Variants in DIPK2B observed in about 807,000 individuals in gnomAD.
DIPK2B encodes the protein UPF0672 protein CXorf36.
DIPK2B carries 15 observed loss-of-function variants against 22.2 expected under a neutral mutation model. That is an observed-to-expected ratio of 0.68 (90% CI 0.45 to 1.04). DIPK2B has a LOEUF of 1.04. Among genes scored for constraint, DIPK2B ranks in the 50% least tolerant of loss-of-function variants. DIPK2B has a pLI of 0.00. For synonymous variants in DIPK2B, 163 were observed against 153.2 expected, an observed-to-expected ratio of 1.06 and a Z score of -0.47; for missense variants, 345 against 348.3, an observed-to-expected ratio of 0.99 and a Z score of 0.08.
At chrX:45,166,574 C>T (rs1354188162) in intron 2 of DIPK2B, among the ~76,000 whole-genome samples, 2 of 111,450 alleles carry the variant, frequency 1.8e-5, no homozygotes, top group African/African-American at 6.5e-5. Context: ...TCCTGTGCCC[C>T]GGTATAACCA....
Position 45,150,478 on chromosome X carries a change from A to G in DIPK2B, c.*1174T>C, listed in dbSNP as rs1397343966. 1 of 112,135 alleles carries G rather than the reference A, an allele frequency of 8.9e-6. No individual in the cohort carries two copies. Among genetic ancestry groups the G allele is most frequent in the Non-Finnish European group, 1.9e-5 (1 of 53,230 alleles). The allele number at this position is 112,135 out of a possible 1,213,427, so 9.2% of individuals were successfully genotyped here. A position where few individuals can be genotyped will look rare whatever the true frequency, so the allele number is the denominator to read the frequency against. On this transcript the variant is annotated 3_prime_UTR_variant, in exon 5 of 5. Transcript: ENST00000398000. ...TTGAATGAAAATTCCTAGACTCCTT[A>G]GAGTCCCAACTCGGAGCATGCGGTG...
intron 2 of DIPK2B, chrX:45,164,154 G>A: frequency 8.6e-7 from 1 of 1,164,694 alleles, no homozygotes; most frequent in Non-Finnish European, 1.1e-6. Flanking sequence ...AACACTTTCT[G>A]GAAGTTCTCA....
rs775004690 is a variant in DIPK2B at position 45,171,146 on chromosome X, T to C, written c.499-13258A>G. 3.6e-5 allele frequency among the ~76,000 whole-genome samples: 4 copies of C among 111,477 alleles called. 1 individual carries two copies. In the South Asian group the frequency reaches 1.5e-3, roughly 42 times the overall value. ...AGTGCAGGAAGCAGATCTCACGTGC[T>C]GTCACCTTTCCAGGAACCCTGGACA... is the stretch of plus-strand genomic sequence containing the variant. On this transcript the variant is annotated intron_variant, in intron 2 of 4. Transcript: ENST00000398000.
At position 45,153,521 on chromosome X, in the gene DIPK2B, T is replaced by TGA. The variant is rs1556394353; in HGVS notation, c.961+387_961+388dup. On this transcript the variant is annotated intron_variant, in intron 4 of 4. Transcript: ENST00000398000. Reference sequence around the variant, plus strand: ...GTGTGTGTGTGTGTGTGTGTGTGTGTGACAGAGAGAGAGGAGAGAGAGAGA... The same window carrying TGA: ...GTGTGTGTGTGTGTGTGTGTGTGTGTGAGACAGAGAGAGAGGAGAGAGAGAGA... Among the ~76,000 whole-genome samples, 875 of 96,676 alleles carry TGA rather than the reference T, an allele frequency of 9.1e-3. 14 individuals carry two copies. The highest frequency in any genetic ancestry group is 0.039 in the South Asian group (80 of 2,053). The allele number at this position is 96,676 out of a possible 115,157, so 84.0% of individuals were successfully genotyped here. A position where few individuals can be genotyped will look rare whatever the true frequency, so the allele number is the denominator to read the frequency against.
chrX:45,190,541 T>G (rs1029539195), intron 2 of DIPK2B, among the ~76,000 whole-genome samples: 1 of 111,907 alleles, frequency 8.9e-6, no homozygotes, highest in Non-Finnish European at 1.9e-5. Flanking sequence ...GCCACACGCT[T>G]CTGGGGCCAG....
In DIPK2B at chrX:45,157,879, TG is replaced by T; in HGVS notation, c.507del (p.Ser170AlafsTer109). ...TGCGAAGGGCAGCGCAGGAGCGGGC[TG>T]GCCAGGCCCTACGCGCAGGTGGGAG... Reference protein sequence around the residue: ...RLTPDLVQGLASPLLRCPSQR... With the variant: ...RLTPDLVQGLXSPLLRCPSQR... On this transcript the variant is annotated frameshift_variant, in exon 3 of 5. Coordinates refer to ENST00000398000, the MANE Select transcript of DIPK2B (RefSeq NM_176819.4). LOFTEE classifies it high-confidence loss of function. 1 of 1,128,809 alleles carries T rather than the reference TG, an allele frequency of 8.9e-7. No homozygotes were observed. The allele number at this position is 1,128,809 out of a possible 1,213,427, so 93.0% of individuals were successfully genotyped here. A position where few individuals can be genotyped will look rare whatever the true frequency, so the allele number is the denominator to read the frequency against.
intron 2 of DIPK2B, among the ~76,000 whole-genome samples, chrX:45,166,813 G>A (rs759599304): frequency 6.2e-5 from 7 of 112,404 alleles, no homozygotes; most frequent in South Asian, 7.4e-4. Context: ...AAGTCAGCCC[G>A]TCTCAGTAAG....
chrX:45,156,312 C>T (rs957997855), intron 3 of DIPK2B, among the ~76,000 whole-genome samples: 1 of 110,984 alleles, frequency 9.0e-6, no homozygotes, highest in African/African-American at 3.3e-5. Context: ...GAGGGAAGTC[C>T]TGGGCCTACT....
intron 2 of DIPK2B, among the ~76,000 whole-genome samples, chrX:45,170,972 C>T (rs1569544845): frequency 9.0e-6 from 1 of 111,519 alleles, no homozygotes; most frequent in Admixed American, 9.5e-5. Context: ...AGCAACACAT[C>T]CAGGTCTTTG....
intron 3 of DIPK2B, among the ~76,000 whole-genome samples, chrX:45,154,686 A>G (rs1251314583): frequency 8.9e-6 from 1 of 112,241 alleles, no homozygotes; most frequent in Non-Finnish European, 1.9e-5. Flanking sequence ...GATTCAGGGA[A>G]ATATGTTTAA....
intron 2 of DIPK2B, among the ~76,000 whole-genome samples, chrX:45,191,132 G>A (rs1254568015): frequency 8.9e-6 from 1 of 112,297 alleles, no homozygotes; most frequent in African/African-American, 3.2e-5. Context: ...TAGTACAGGA[G>A]GGAACCAATG....
At chrX:45,190,713 A>G (rs970746017) in intron 2 of DIPK2B, among the ~76,000 whole-genome samples, 3 of 111,686 alleles carry the variant, frequency 2.7e-5, no homozygotes, top group African/African-American at 9.8e-5. Context: ...CTCAACCATA[A>G]TTTCCAGGCT....
intron 2 of DIPK2B, among the ~76,000 whole-genome samples, chrX:45,187,956 G>A (rs2047192756): frequency 9.0e-6 from 1 of 111,114 alleles, no homozygotes; most frequent in South Asian, 3.8e-4. Context: ...CGGCTCTTGA[G>A]GAAATCAGAG....
chrX:45,155,002 CAG>C (rs1161567393), intron 3 of DIPK2B, among the ~76,000 whole-genome samples: 1 of 112,172 alleles, frequency 8.9e-6, no homozygotes, highest in African/African-American at 3.2e-5. Context: ...TAAAAAATAA[CAG>C]TGGCTGGGTA....
At chrX:45,164,338 G>A in intron 2 of DIPK2B, 2 of 960,003 alleles carry the variant, frequency 2.1e-6, no homozygotes, top group Admixed American at 2.6e-5. Context: ...GCTGTTAAAT[G>A]CAAATGGCAG....
At chrX:45,173,953 T>C (rs2047102194) in intron 2 of DIPK2B, among the ~76,000 whole-genome samples, 1 of 111,024 alleles carries the variant, frequency 9.0e-6, no homozygotes, top group African/African-American at 3.3e-5. Context: ...GGTGCCTTCA[T>C]GAGGTACTGT....
chrX:45,176,447 A>T (rs2047118888), intron 2 of DIPK2B, among the ~76,000 whole-genome samples: 1 of 111,979 alleles, frequency 8.9e-6, no homozygotes, highest in Non-Finnish European at 1.9e-5. Context: ...CCCTTCCCCA[A>T]CCCTGGCATA....
chrX:45,186,247 A>G (rs1272307178), intron 2 of DIPK2B, among the ~76,000 whole-genome samples: 1 of 111,706 alleles, frequency 9.0e-6, no homozygotes, highest in Admixed American at 9.5e-5. Context: ...GAGGGGACTT[A>G]TCTATTCCAT....
At chrX:45,169,982 G>A (rs1049730198) in intron 2 of DIPK2B, among the ~76,000 whole-genome samples, 11 of 110,470 alleles carry the variant, frequency 1.0e-4, no homozygotes, top group East Asian at 2.9e-4. Context: ...GGTGGCTCAC[G>A]TCTGTAATCC....
Sources: allele counts gnomAD v4.1 joint callset (sites outside exome capture counted in the v4.1 genomes callset), GRCh38; gene constraint gnomAD v4.1.1; transcripts MANE v1.5; gene names NCBI Gene and HGNC (gene_info 2026-07-23, HGNC 2026-07-21).